Variants in TNRC6A observed in about 807,000 individuals in gnomAD.
TNRC6A encodes trinucleotide repeat containing adaptor 6A.
A neutral mutation model predicts 221.2 loss-of-function variants in TNRC6A; 44 were observed. The observed-to-expected ratio is 0.20, with a 90% CI of 0.16 to 0.26. TNRC6A has a LOEUF of 0.26. Among genes scored for constraint, TNRC6A ranks in the 10% least tolerant of loss-of-function variants. TNRC6A has a pLI of 1.00. For synonymous variants in TNRC6A, 847 were observed against 838.5 expected, an observed-to-expected ratio of 1.01 and a Z score of -0.18; for missense variants, 2,199 against 2,404.4, an observed-to-expected ratio of 0.91 and a Z score of 1.79.
At chr16:24,689,577 C>T (rs1245005344) in intron 2 of TNRC6A, among the ~76,000 whole-genome samples, 2 of 152,136 alleles carry the variant, frequency 1.3e-5, no homozygotes, top group Admixed American at 1.3e-4. Flanking sequence ...TTTATCCATT[C>T]AGTACATTTT....
At chr16:24,680,355 A>G (rs2055506723) in intron 2 of TNRC6A, among the ~76,000 whole-genome samples, 2 of 151,824 alleles carry the variant, frequency 1.3e-5, no homozygotes, top group Non-Finnish European at 2.9e-5. Flanking sequence ...TGAGAGGTCC[A>G]GGCTATGGTG....
At chr16:24,701,511 C>T (rs1434104870) in intron 2 of TNRC6A, among the ~76,000 whole-genome samples, 13 of 151,984 alleles carry the variant, frequency 8.6e-5, no homozygotes, top group Admixed American at 4.6e-4. Context: ...GGACTACAGG[C>T]GCATGCCACC....
rs187110781 is a variant in TNRC6A at position 24,627,882 on chromosome 16, A to T, written n.277-13002A>T. On this transcript the variant is annotated intron_variant and non_coding_transcript_variant, in intron 1 of 2. Coordinates refer to the TNRC6A transcript ENST00000566108. ...CCGGCTAATTATTTGCATTTTTAGTAGAGATGGGGTTTCATCGTGTTGGCC... is the reference window on the plus strand; with the variant it reads ...CCGGCTAATTATTTGCATTTTTAGTTGAGATGGGGTTTCATCGTGTTGGCC... Among the ~76,000 whole-genome samples the T allele has an allele frequency of 2.7e-3, 408 of 150,618 alleles. 2 individuals are homozygous for T. The highest frequency in any genetic ancestry group is 9.4e-3 in the African/African-American group (389 of 41,252).
At chr16:24,613,541 A>G (rs1315439654) in intron 1 of TNRC6A, among the ~76,000 whole-genome samples, 1 of 143,102 alleles carries the variant, frequency 7.0e-6, no homozygotes, top group Non-Finnish European at 1.5e-5. Flanking sequence ...TTACTTATTT[A>G]TTTAGAGATA....
intron 2 of TNRC6A, among the ~76,000 whole-genome samples, chr16:24,655,010 A>C (rs943648713): frequency 6.6e-6 from 1 of 152,202 alleles, no homozygotes; most frequent in Non-Finnish European, 1.5e-5. Flanking sequence ...TGGGAGCCCA[A>C]GGTGGGTGGA....
At chr16:24,687,101 G>A (rs2055641688) in intron 2 of TNRC6A, among the ~76,000 whole-genome samples, 1 of 152,124 alleles carries the variant, frequency 6.6e-6, no homozygotes, top group Non-Finnish European at 1.5e-5. Flanking sequence ...AGTCTTGCCT[G>A]TCTTAAATAC....
chr16:24,778,728 C>G (rs1440633221), intron 5 of TNRC6A, among the ~76,000 whole-genome samples: 1 of 151,986 alleles, frequency 6.6e-6, no homozygotes, highest in Non-Finnish European at 1.5e-5. Flanking sequence ...AATTATCTTC[C>G]TAATAACTCT....
chr16:24,775,637 TAAC>T (rs1387295386), intron 4 of TNRC6A, among the ~76,000 whole-genome samples: 3 of 152,220 alleles, frequency 2.0e-5, no homozygotes, highest in Non-Finnish European at 4.4e-5. Flanking sequence ...GACACAGTAA[TAAC>T]TTCACTTCTG....
chr16:24,801,759 G>A (rs67254990), intron 11 of TNRC6A, among the ~76,000 whole-genome samples: 26,214 of 152,160 alleles, frequency 0.17, 2,590 homozygotes, highest in East Asian at 0.37. Flanking sequence ...ACAAGTGTTA[G>A]CCACCGTGCT....
Position 24,637,706 on chromosome 16 carries a change from G to A in TNRC6A, n.277-3178G>A, listed in dbSNP as rs138777006. On this transcript the variant is annotated intron_variant and non_coding_transcript_variant, in intron 1 of 2. Coordinates refer to the TNRC6A transcript ENST00000566108. The stretch of plus-strand genomic sequence containing the variant: ...CACAACCACACAACACAATACCAAG[G>A]AATCTCACAAATATCACATCCAATG... Among the ~76,000 whole-genome samples the A allele has an allele frequency of 1.3e-3, 195 of 152,218 alleles. 2 individuals carry two copies. The highest frequency in any genetic ancestry group is 8.7e-4 in the Non-Finnish European group (59 of 68,028).
At chr16:24,768,358 G>A (rs1596655748) in intron 4 of TNRC6A, among the ~76,000 whole-genome samples, 1 of 151,402 alleles carries the variant, frequency 6.6e-6, no homozygotes, top group African/African-American at 2.4e-5. Context: ...GCGTGAACCC[G>A]GGAGGTGGAG....
chr16:24,771,572 TTA>T lies in TNRC6A; in HGVS notation c.164-5359_164-5358del, dbSNP rs1491370548. On this transcript the variant is annotated intron_variant, in intron 4 of 24. Coordinates refer to ENST00000395799, the MANE Select transcript of TNRC6A (RefSeq NM_014494.4). ...ATGTTATGTTATGTTTTATGTTATG[TTA>T]TGTTATGTTGTTATGTTATGTTATG... 2.4e-4 allele frequency among the ~76,000 whole-genome samples: 24 copies of T among 101,752 alleles called. No individual in the cohort carries two copies. In the East Asian group the frequency reaches 3.9e-3, roughly 17 times the overall value. The allele number at this position is 101,752 out of a possible 152,430, so 66.8% of individuals were successfully genotyped here.
chr16:24,820,032 T>A, intron 21 of TNRC6A, 107 bp from the exon 22 acceptor site: 1 of 1,074,632 alleles, frequency 9.3e-7, no homozygotes, highest in Non-Finnish European at 1.3e-6. Context: ...TAAAGTTTCT[T>A]TTGTTTGTTA....
chr16:24,688,714 A>C (rs941137468), intron 2 of TNRC6A, among the ~76,000 whole-genome samples: 8 of 152,344 alleles, frequency 5.3e-5, no homozygotes, highest in African/African-American at 1.9e-4. Flanking sequence ...TCCTGAGTGT[A>C]GAAGCTAGGC....
chr16:24,695,442 C>G (rs2055838651), intron 2 of TNRC6A, among the ~76,000 whole-genome samples: 1 of 152,110 alleles, frequency 6.6e-6, no homozygotes, highest in South Asian at 2.1e-4. Flanking sequence ...CTCTGTCACC[C>G]AGGCTGGAGT....
At chr16:24,680,391 A>G (rs562593230) in intron 2 of TNRC6A, among the ~76,000 whole-genome samples, 1 of 151,756 alleles carries the variant, frequency 6.6e-6, no homozygotes, top group East Asian at 2.0e-4. Flanking sequence ...ACTGTACTCT[A>G]GCCTGGGTGA....
In TNRC6A at chr16:24,768,151, G is replaced by T. The variant is rs971393915; in HGVS notation, c.164-8782G>T. Among the ~76,000 whole-genome samples the T allele has an allele frequency of 2.0e-5, 3 of 152,278 alleles. No homozygotes were observed. In the East Asian group the frequency reaches 5.8e-4, roughly 29 times the overall value. On this transcript the variant is annotated intron_variant, in intron 4 of 24. Transcript: ENST00000395799. ...TTTTTCTTTTAAAAAGTGTGCCTGG[G>T]CCGGGCGCGGTGGCTCATGCCTGTA...
chr16:24,674,259 G>T (rs907258866), intron 2 of TNRC6A, among the ~76,000 whole-genome samples: 5 of 151,890 alleles, frequency 3.3e-5, no homozygotes, highest in Non-Finnish European at 4.4e-5. Flanking sequence ...GTAGCAACAA[G>T]GTCTCGATGT....
At chr16:24,734,030 C>T (rs1318932187) in intron 2 of TNRC6A, among the ~76,000 whole-genome samples, 18 of 152,092 alleles carry the variant, frequency 1.2e-4, no homozygotes, top group Admixed American at 1.2e-3. Flanking sequence ...AAAAAATTAG[C>T]TGGGTGTGGT....
Sources: gnomAD v4.1 joint callset for allele counts (sites outside exome capture counted in the v4.1 genomes callset) on GRCh38, gnomAD v4.1.1 for gene constraint, MANE v1.5 for transcripts, NCBI Gene and HGNC (gene_info 2026-07-23, HGNC 2026-07-21) for gene names.